Variants in NUP210L observed in about 807,000 individuals in gnomAD.
NUP210L encodes nuclear pore membrane glycoprotein 210-like.
Under a neutral mutation model 208.5 loss-of-function variants are expected in NUP210L, and 74 were observed. The ratio of observed to expected loss-of-function variants is 0.35; its 90% CI spans 0.29 to 0.43. The LOEUF (loss-of-function observed/expected upper bound fraction) is 0.43, where lower values mean the gene tolerates loss of function less well. Among genes scored for constraint, NUP210L ranks in the 20% least tolerant of loss-of-function variants. The pLI is 1.00. For missense variants in NUP210L, 1,843 were observed against 2,289.4 expected, an observed-to-expected ratio of 0.81 and a Z score of 3.98; for synonymous variants, 780 against 816.9, an observed-to-expected ratio of 0.95 and a Z score of 0.77.
chr1:154,103,671 C>CAAAAAA (rs553564283), intron 13 of NUP210L, among the ~76,000 whole-genome samples: 1 of 37,748 alleles, frequency 2.6e-5, no homozygotes, highest in Non-Finnish European at 5.5e-5. Flanking sequence ...GACTCCGTCT[C>CAAAAAA]AAAAAAAAAA....
intron 27 of NUP210L, among the ~76,000 whole-genome samples, chr1:154,037,766 T>C (rs1652642622): frequency 6.6e-6 from 1 of 152,058 alleles, no homozygotes; most frequent in South Asian, 2.1e-4. Flanking sequence ...CCTCCTGGGT[T>C]CAAGCGATTT....
intron 5 of NUP210L, among the ~76,000 whole-genome samples, chr1:154,138,733 T>C (rs1260891150): frequency 6.6e-6 from 1 of 152,200 alleles, no homozygotes; most frequent in Non-Finnish European, 1.5e-5. Flanking sequence ...ACATTTGTTT[T>C]TCCCAAACCT....
rs760220353 is a variant in NUP210L at position 154,029,887 on chromosome 1, G to A, written c.3855+9C>T. ...TATACGAAAATAAGATTTAGATTTG[G>A]AAGCTTACCAGGATCTGTACTTCAT... On this transcript the variant is annotated intron_variant, in intron 28 of 39. Coordinates refer to ENST00000368559, the Ensembl canonical transcript of NUP210L. 7 of 1,592,332 alleles carry A rather than the reference G, an allele frequency of 4.4e-6. No individual in the cohort carries two copies. In the Admixed American group the frequency reaches 7.4e-5, roughly 17 times the overall value.
At chr1:154,018,081 C>T (rs567320929) in intron 33 of NUP210L, among the ~76,000 whole-genome samples, 20 of 151,946 alleles carry the variant, frequency 1.3e-4, no homozygotes, top group East Asian at 7.7e-4. Flanking sequence ...AAGAGATTCT[C>T]GTGCTTCAGC....
At chr1:154,057,188 AGGCT>A (rs944745814) in intron 22 of NUP210L, among the ~76,000 whole-genome samples, 3 of 152,096 alleles carry the variant, frequency 2.0e-5, no homozygotes, top group African/African-American at 7.2e-5. Context: ...TGTGTTGCCC[AGGCT>A]GGTCTTGAAT....
chr1:154,142,656 C>T (rs991173842), intron 3 of NUP210L, among the ~76,000 whole-genome samples: 1 of 151,618 alleles, frequency 6.6e-6, no homozygotes, highest in Non-Finnish European at 1.5e-5. Context: ...TTTGGGAGGC[C>T]GAGGAAGGCA....
chr1:154,133,218 C>G (rs4845600), intron 7 of NUP210L, among the ~76,000 whole-genome samples: 46,222 of 152,032 alleles, frequency 0.3, 7,927 homozygotes, highest in Admixed American at 0.45. Flanking sequence ...ATCCACATGG[C>G]TTATTGTGCC....
chr1:154,086,621 G>A (rs1279727719), intron 16 of NUP210L, among the ~76,000 whole-genome samples: 3 of 151,880 alleles, frequency 2.0e-5, no homozygotes, highest in Non-Finnish European at 4.4e-5. Context: ...GACCAGCCTG[G>A]GCAATATAGT....
chr1:154,145,575 C>T (rs1186849879), intron 2 of NUP210L, among the ~76,000 whole-genome samples: 2 of 151,966 alleles, frequency 1.3e-5, no homozygotes, highest in Non-Finnish European at 2.9e-5. Flanking sequence ...AATTGAATTA[C>T]TCATCCTGAA....
chr1:154,118,668 T>C lies in NUP210L; in HGVS notation c.1464+3A>G. ...CCTTGTGAAGCCTTATAGGACACCA[T>C]ACCTGTACTTTATAACGATATAACA... is the stretch of plus-strand genomic sequence containing the variant. On this transcript the variant is annotated splice_donor_region_variant and intron_variant, in intron 11 of 39. Transcript: ENST00000368559. 1.3e-6 allele frequency: 2 copies of C among 1,582,340 alleles called. No individual in the cohort carries two copies. The highest frequency in any genetic ancestry group is 1.7e-6 in the Non-Finnish European group (2 of 1,162,166).
intron 14 of NUP210L, among the ~76,000 whole-genome samples, chr1:154,099,608 TC>T (rs1190966317): frequency 2.6e-5 from 4 of 152,162 alleles, no homozygotes; most frequent in Non-Finnish European, 5.9e-5. Context: ...CTTTCAGGGT[TC>T]TTCAAAAGAG....
intron 32 of NUP210L, among the ~76,000 whole-genome samples, chr1:154,019,613 G>C (rs1168619581): frequency 6.6e-6 from 1 of 151,892 alleles, no homozygotes; most frequent in Non-Finnish European, 1.5e-5. Flanking sequence ...GGACAATCCT[G>C]TCAAAAATAT....
Position 154,091,071 on chromosome 1 carries a change from GTTATTATTATTA to G in NUP210L, c.2188-1489_2188-1478del, listed in dbSNP as rs111324293. Among the ~76,000 whole-genome samples the G allele has an allele frequency of 3.1e-3, 440 of 140,820 alleles. 1 individual carries two copies. The highest frequency in any genetic ancestry group is 6.9e-3 in the Admixed American group (95 of 13,746). The allele number at this position is 140,820 out of a possible 152,430, so 92.4% of individuals were successfully genotyped here. On this transcript the variant is annotated intron_variant, in intron 15 of 39. Transcript: ENST00000368559. Reference sequence around the variant, plus strand: ...TGACAGCATTATTATTATTATTGCTGTTATTATTATTATTATTATTATTATTATTATTATTAT... The same window carrying G: ...TGACAGCATTATTATTATTATTGCTGTTATTATTATTATTATTATTATTAT...
intron 27 of NUP210L, among the ~76,000 whole-genome samples, chr1:154,034,906 A>G (rs1384986090): frequency 1.3e-5 from 2 of 150,322 alleles, no homozygotes; most frequent in South Asian, 2.1e-4. Context: ...CAGTGGCACA[A>G]TCTTGACTCA....
chr1:154,118,675 A>G, exon 11 of NUP210L: 1 of 1,587,846 alleles, frequency 6.3e-7, no homozygotes, highest in Non-Finnish European at 8.6e-7. Context: ...CCATACCTGT[A>G]CTTTATAACG....
intron 27 of NUP210L, among the ~76,000 whole-genome samples, chr1:154,041,477 T>A (rs1462262439): frequency 6.6e-6 from 1 of 152,088 alleles, no homozygotes; most frequent in Non-Finnish European, 1.5e-5. Flanking sequence ...ATTACAAGCA[T>A]GTGCCACCGC....
At chr1:153,994,245 T>A (rs1252718684) in intron 38 of NUP210L, among the ~76,000 whole-genome samples, 1 of 152,198 alleles carries the variant, frequency 6.6e-6, no homozygotes, top group Admixed American at 6.5e-5. Context: ...ACCTCAAGAT[T>A]TAGTAGTGGT....
chr1:154,023,073 A>C (rs755826522), intron 31 of NUP210L, 49 bp downstream of exon 31: 1 of 1,495,270 alleles, frequency 6.7e-7, no homozygotes, highest in Non-Finnish European at 9.3e-7. Flanking sequence ...CTAGCCTAAT[A>C]TGCAAGATTT....
At chr1:154,139,934 T>A (rs1355207082) in exon 5 of NUP210L, 1 of 1,609,492 alleles carries the variant, frequency 6.2e-7, no homozygotes, top group Non-Finnish European at 8.5e-7. Context: ...CATATTCTGC[T>A]TCGGAGTATT....
Sources: allele counts gnomAD v4.1 joint callset (sites outside exome capture counted in the v4.1 genomes callset), GRCh38; gene constraint gnomAD v4.1.1; transcripts MANE v1.5; gene names NCBI Gene and HGNC (gene_info 2026-07-23, HGNC 2026-07-21).